CTU2: variants seen among roughly 807,000 people sequenced by gnomAD.
CTU2 encodes cytosolic thiouridylase subunit 2.
In CTU2, 80 loss-of-function variants were observed where a neutral mutation model predicts 64.1. The ratio of observed to expected loss-of-function variants is 1.25; its 90% CI spans 1.04 to 1.50. The LOEUF (loss-of-function observed/expected upper bound fraction) is 1.50, where lower values mean the gene tolerates loss of function less well. Among genes scored for constraint, CTU2 ranks in the 40% most tolerant of loss-of-function variants. The pLI is 0.00. For missense variants in CTU2, 1,110 were observed against 690.2 expected, an observed-to-expected ratio of 1.61 and a Z score of -6.81; for synonymous variants, 482 against 285.3, an observed-to-expected ratio of 1.69 and a Z score of -6.95.
intron 10 of CTU2, 60 bp from the exon 11 acceptor site, chr16:88,714,323 G>C (rs552680350): frequency 6.2e-7 from 1 of 1,605,468 alleles, no homozygotes; most frequent in African/African-American, 1.3e-5. Flanking sequence ...CTCAGGCCAG[G>C]GCTTAGGGTG....
chr16:88,714,464 T>C lies in CTU2; in HGVS notation c.1179T>C (p.Cys393=), dbSNP rs908340282. ...DSGPRCLLCM[C]ALDVDAADSA... is the part of the protein sequence containing the mutation. ...GCCCCCGCTGCCTCCTCTGCATGTG[T>C]GCCCTGGACGTCGACGCCGCTGGTC... The change falls in exon 11 of 15, where the codon TGT becomes TGC. Residue 393 remains cysteine, a synonymous_variant. Transcript: ENST00000453996. 1 of 1,612,532 alleles carries C rather than the reference T, an allele frequency of 6.2e-7. No homozygotes were observed. Among genetic ancestry groups the C allele is most frequent in the Non-Finnish European group, 8.5e-7 (1 of 1,179,830 alleles).
At chr16:88,714,045 G>C in intron 9 of CTU2, 91 bp from the exon 10 acceptor site, 1 of 1,301,180 alleles carries the variant, frequency 7.7e-7, no homozygotes, top group Non-Finnish European at 1.1e-6. Flanking sequence ...GGCCAGCAGC[G>C]TGGAACCCAC....
In CTU2 at chr16:88,710,301, G is replaced by A. The variant is rs375583556; in HGVS notation, c.282+19G>A. ...TCTTGAGGTGCGTGTTCACCACCCC[G>A]TGGGCCCGGGCTGCTGGGCTGAGCT... On this transcript the variant is annotated intron_variant, in intron 4 of 14. Transcript: ENST00000453996. The A allele has an allele frequency of 3.9e-5, 63 of 1,613,424 alleles. No individual in the cohort carries two copies. In the Admixed American group the frequency reaches 6.7e-4, roughly 17 times the overall value.
Position 88,713,661 on chromosome 16 carries a change from GC to G in CTU2, c.889del (p.Arg297GlyfsTer16). ...GCCTCCCGCAGGGCTTCTCGGATGAGCGGCACGGGGACGTGGTGGTGGTGCG... is the reference window on the plus strand; with the variant it reads ...GCCTCCCGCAGGGCTTCTCGGATGAGGGCACGGGGACGTGGTGGTGGTGCG... ...LAWDTGFSDE[R>X]HGDVVVVRPM... On this transcript the variant is annotated frameshift_variant, in exon 9 of 15. Coordinates refer to ENST00000453996, the MANE Select transcript of CTU2 (RefSeq NM_001012759.3). LOFTEE classifies it high-confidence loss of function. 1 of 1,612,422 alleles carries G rather than the reference GC, an allele frequency of 6.2e-7. No homozygotes were observed. Among genetic ancestry groups the G allele is most frequent in the Non-Finnish European group, 8.5e-7 (1 of 1,179,772 alleles).
chr16:88,714,825 C>T (rs948846140), intron 12 of CTU2, 35 bp from the exon 13 acceptor site: 1 of 1,612,006 alleles, frequency 6.2e-7, no homozygotes, highest in Non-Finnish European at 8.5e-7. Context: ...CATTGAGGTG[C>T]CAAGGTGGGC....
rs1004330864 is a variant in CTU2 at position 88,709,861 on chromosome 16, G to A, written c.144-77G>A. The stretch of plus-strand genomic sequence containing the variant: ...AAGATGGAGATTGGCAAAGGACGTC[G>A]TCACCTGGCAGCGCCTCAGGACGCT... On this transcript the variant is annotated intron_variant, in intron 2 of 14. Coordinates refer to ENST00000453996, the MANE Select transcript of CTU2 (RefSeq NM_001012759.3). The A allele has an allele frequency of 7.2e-5, 88 of 1,217,504 alleles. No individual in the cohort carries two copies. In the Admixed American group the frequency reaches 1.0e-3, roughly 14 times the overall value. 75.4% of individuals were successfully genotyped at this position (1,217,504 alleles called of 1,614,324 possible).
chr16:88,712,759 T>C lies in CTU2; in HGVS notation c.591T>C (p.Thr197=), dbSNP rs759771486. ...VLGAGGGPGP[T]QGEEQPPQPP... ...GGGCCGGGGGTGGTCCTGGCCCGACTCAAGGGGAGGAACAGCCACCCCAGC... is the reference window on the plus strand; with the variant it reads ...GGGCCGGGGGTGGTCCTGGCCCGACCCAAGGGGAGGAACAGCCACCCCAGC... The change falls in exon 7 of 15, where the codon ACT becomes ACC. Residue 197 remains threonine, a synonymous_variant. Transcript: ENST00000453996. The C allele has an allele frequency of 3.7e-6, 6 of 1,608,336 alleles. No homozygotes were observed. In the African/African-American group the frequency reaches 6.7e-5, roughly 18 times the overall value.
chr16:88,712,195 T>C (rs1417822659), intron 5 of CTU2, 79 bp from the exon 6 acceptor site: 1 of 1,260,134 alleles, frequency 7.9e-7, no homozygotes, highest in Non-Finnish European at 1.1e-6. Context: ...CGAAGGGTTT[T>C]CCCAGGTGGA....
chr16:88,714,083 G>T, intron 9 of CTU2, 53 bp from the exon 10 acceptor site: 1 of 1,562,144 alleles, frequency 6.4e-7, no homozygotes, highest in South Asian at 1.1e-5. Flanking sequence ...CTCTGCCCCA[G>T]CCTGGGGCTG....
rs771994810 is a variant in CTU2, at chr16:88,713,434, T to C, written c.860T>C (p.Leu287Pro). Reference protein sequence around the residue: ...TNLALGRGAFLAWDTGFSDER... With the variant: ...TNLALGRGAFPAWDTGFSDER... Reference sequence around the variant, plus strand: ...CTGGCGCTGGGTCGAGGGGCCTTCCTGGCCTGGGATACGGTAGGCAGGGGC... The same window carrying C: ...CTGGCGCTGGGTCGAGGGGCCTTCCCGGCCTGGGATACGGTAGGCAGGGGC... The change falls in exon 8 of 15, where the codon CTG becomes CCG. Residue 287 changes from leucine (L) to proline (P), a missense_variant. Coordinates refer to ENST00000453996, the MANE Select transcript of CTU2 (RefSeq NM_001012759.3). 2.5e-6 allele frequency: 4 copies of C among 1,582,804 alleles called. No homozygotes were observed. The highest frequency in any genetic ancestry group is 3.4e-6 in the Non-Finnish European group (4 of 1,170,424).
chr16:88,714,889 A>G lies in CTU2; in HGVS notation c.1382A>G (p.Gln461Arg), dbSNP rs750095495. 1 of 1,612,666 alleles carries G rather than the reference A, an allele frequency of 6.2e-7. No homozygotes were observed. The highest frequency in any genetic ancestry group is 1.1e-5 in the South Asian group (1 of 91,086). Reference protein sequence around the residue: ...REDPQACIEEQLCYSCRVNMK... With the variant: ...REDPQACIEERLCYSCRVNMK... Reference sequence around the variant, plus strand: ...GACCCCCAAGCCTGCATTGAGGAGCAGCTGTGCTACAGCTGCCGCGTGAAC... The same window carrying G: ...GACCCCCAAGCCTGCATTGAGGAGCGGCTGTGCTACAGCTGCCGCGTGAAC... Residue 461 changes from glutamine (Q) to arginine (R), a missense_variant, in exon 13 of 15, where the codon CAG becomes CGG. By Grantham distance (43) the Gln-to-Arg change is conservative. Transcript: ENST00000453996.
intron 4 of CTU2, chr16:88,710,789 G>C (rs944723902): frequency 6.1e-6 from 1 of 163,800 alleles, no homozygotes; most frequent in Non-Finnish European, 1.3e-5. Flanking sequence ...GAAAGGGGCG[G>C]GGGTTTGCCA....
chr16:88,712,758 C>T lies in CTU2; in HGVS notation c.590C>T (p.Thr197Ile). 1 of 1,608,568 alleles carries T rather than the reference C, an allele frequency of 6.2e-7. No homozygotes were observed. The highest frequency in any genetic ancestry group is 8.5e-7 in the Non-Finnish European group (1 of 1,178,290). Residue 197 changes from threonine (T) to isoleucine (I), a missense_variant, in exon 7 of 15, where the codon ACT (threonine) becomes ATT (isoleucine). Physicochemically the swap from Thr to Ile is moderately conservative, Grantham distance 89 (BLOSUM62 -1). Coordinates refer to ENST00000453996, the MANE Select transcript of CTU2 (RefSeq NM_001012759.3). ...VLGAGGGPGP[T>I]QGEEQPPQPP... ...GGGGCCGGGGGTGGTCCTGGCCCGA[C>T]TCAAGGGGAGGAACAGCCACCCCAG...
At chr16:88,713,879 A>G in intron 9 of CTU2, 101 bp downstream of exon 9, 1 of 1,480,668 alleles carries the variant, frequency 6.8e-7, no homozygotes, top group South Asian at 1.2e-5. Context: ...GCACACCTTC[A>G]GTGACTCCTG....
Position 88,714,590 on chromosome 16 carries a change from G to A in CTU2, c.1205G>A (p.Ser402Asn), listed in dbSNP as rs1225648959. ...GTCACCCCCTCTCTGCTTGCAGACA[G>A]TGCCACGGCTTTTGGGGCTCAGACC... ...MCALDVDAAD[S>N]ATAFGAQTSS... The change falls in exon 12 of 15, where the codon AGT (serine) becomes AAT (asparagine). Residue 402 changes from serine (S) to asparagine (N), a missense_variant. Transcript: ENST00000453996. 6.2e-7 allele frequency: 1 copy of A among 1,612,662 alleles called. No homozygotes were observed. The highest frequency in any genetic ancestry group is 8.5e-7 in the Non-Finnish European group (1 of 1,179,890).
intron 2 of CTU2, 182 bp from the exon 3 acceptor site, chr16:88,709,756 G>A (rs1042433002): frequency 6.5e-6 from 4 of 619,148 alleles, no homozygotes; most frequent in Non-Finnish European, 8.6e-6. Flanking sequence ...TTCACCCTGA[G>A]GAAGCCACTG....
chr16:88,709,854 G>C, intron 2 of CTU2, 84 bp from the exon 3 acceptor site: 3 of 1,103,092 alleles, frequency 2.7e-6, no homozygotes, highest in Non-Finnish European at 4.1e-6. Context: ...GATTGGCAAA[G>C]GACGTCGTCA....
At chr16:88,711,074 CGGGTTGAGGA>C (rs1261065193) in intron 4 of CTU2, among the ~76,000 whole-genome samples, 1 of 152,044 alleles carries the variant, frequency 6.6e-6, no homozygotes, top group Non-Finnish European at 1.5e-5. Flanking sequence ...TCGGCTTTGC[CGGGTTGAGGA>C]GTGGGGTGTT....
intron 4 of CTU2, 35 bp from the exon 5 acceptor site, chr16:88,711,600 G>T: frequency 1.3e-6 from 2 of 1,567,150 alleles, no homozygotes; most frequent in Non-Finnish European, 1.7e-6. Flanking sequence ...GTGGCTTATG[G>T]CTGGGGGCTG....
Sources: gnomAD v4.1 joint callset for allele counts (sites outside exome capture counted in the v4.1 genomes callset) on GRCh38, gnomAD v4.1.1 for gene constraint, MANE v1.5 for transcripts, NCBI Gene and HGNC (gene_info 2026-07-23, HGNC 2026-07-21) for gene names.